ACTN4: variants seen among roughly 807,000 people sequenced by gnomAD.
The protein encoded by ACTN4 is actinin alpha 4, also known as alpha-actinin-4.
In ACTN4, 18 loss-of-function variants were observed where a neutral mutation model predicts 114.2. The observed-to-expected ratio is 0.16, with a 90% confidence interval of 0.11 to 0.23. The LOEUF is 0.23. ACTN4 is among the 10% of genes least tolerant of loss of function. The pLI is 1.00. For missense variants in ACTN4, 722 were observed against 1,262.9 expected, an observed-to-expected ratio of 0.57 and a Z score of 6.49; for synonymous variants, 515 against 506.3, an observed-to-expected ratio of 1.02 and a Z score of -0.23.
In ACTN4 at chr19:38,729,408, C is replaced by G; in HGVS notation, c.2712C>G (p.Ala904=). The G allele has an allele frequency of 6.2e-7, 1 of 1,612,880 alleles. No individual in the cohort carries two copies. Among genetic ancestry groups the G allele is most frequent in the South Asian group, 1.1e-5 (1 of 91,086 alleles). The change falls in exon 21 of 21, where the codon GCC becomes GCG. Residue 904 remains alanine (A), a synonymous_variant. Coordinates refer to ENST00000252699, the MANE Select transcript of ACTN4 (RefSeq NM_004924.6). Reference sequence around the variant, plus strand: ...TCGACTACAAGTCCTTCTCCACGGCCTTGTATGGCGAGAGCGACCTGTGAG... The same window carrying G: ...TCGACTACAAGTCCTTCTCCACGGCGTTGTATGGCGAGAGCGACCTGTGAG... ...GALDYKSFST[A]LYGESDL is the part of the protein sequence containing the mutation.
intron 1 of ACTN4, among the ~76,000 whole-genome samples, chr19:38,676,722 C>T (rs1328600135): frequency 6.6e-6 from 1 of 152,186 alleles, no homozygotes; most frequent in African/African-American, 2.4e-5. Flanking sequence ...GGTCCCACAG[C>T]TTCTCCTGAA....
At chr19:38,669,861 C>G (rs1307303019) in intron 1 of ACTN4, among the ~76,000 whole-genome samples, 1 of 152,126 alleles carries the variant, frequency 6.6e-6, no homozygotes, top group Non-Finnish European at 1.5e-5. Context: ...AAGCAAAAGA[C>G]TCCTTGGGTA....
At chr19:38,687,928 C>T (rs895487611) in intron 1 of ACTN4, among the ~76,000 whole-genome samples, 2 of 152,086 alleles carry the variant, frequency 1.3e-5, no homozygotes, top group Non-Finnish European at 2.9e-5. Context: ...AAAAGACACA[C>T]CAGTTAAAAA....
At chr19:38,725,365 A>C (rs909783194) in intron 16 of ACTN4, among the ~76,000 whole-genome samples, 93 of 152,000 alleles carry the variant, frequency 6.1e-4, no homozygotes, top group Non-Finnish European at 1.1e-3. Context: ...TCAGATCCCA[A>C]CTCTGCCTCT....
chr19:38,670,443 C>T (rs1967092794), intron 1 of ACTN4, among the ~76,000 whole-genome samples: 1 of 152,162 alleles, frequency 6.6e-6, no homozygotes, highest in African/African-American at 2.4e-5. Flanking sequence ...TGGTTCTCTT[C>T]TCCTGGGGCT....
At chr19:38,667,522 T>C (rs1460106233) in intron 1 of ACTN4, among the ~76,000 whole-genome samples, 1 of 152,182 alleles carries the variant, frequency 6.6e-6, no homozygotes, top group Admixed American at 6.5e-5. Context: ...ATGCTGCTGC[T>C]TTTTCAGAGA....
At chr19:38,728,202 C>T in intron 19 of ACTN4, 176 bp downstream of exon 19, 2 of 1,339,046 alleles carry the variant, frequency 1.5e-6, no homozygotes, top group Middle Eastern at 1.9e-4. Context: ...TCTCTTGGGG[C>T]CGCTGTCTCC....
Position 38,670,277 on chromosome 19 carries a change from G to A in ACTN4, c.162+22370G>A, listed in dbSNP as rs553303352. On this transcript the variant is annotated intron_variant, in intron 1 of 20. Coordinates refer to ENST00000252699, the MANE Select transcript of ACTN4 (RefSeq NM_004924.6). ...TGTGGGAGTGCAAGAGCATGGTGGG[G>A]TGGAGGTCACAGGAAGGTGGAAGCA... Among the ~76,000 whole-genome samples, 5 of 152,324 alleles carry A rather than the reference G, an allele frequency of 3.3e-5. No individual in the cohort carries two copies. In the East Asian group the frequency reaches 9.7e-4, roughly 29 times the overall value.
chr19:38,714,886 C>T (rs774408217), intron 9 of ACTN4, among the ~76,000 whole-genome samples: 13 of 152,342 alleles, frequency 8.5e-5, no homozygotes, highest in Non-Finnish European at 1.3e-4. Flanking sequence ...CCCCTCTTCC[C>T]GTGCCCTGGC....
chr19:38,654,308 T>C (rs540176237), intron 1 of ACTN4, among the ~76,000 whole-genome samples: 4 of 152,258 alleles, frequency 2.6e-5, no homozygotes, highest in African/African-American at 9.6e-5. Context: ...ACGCCTGTAA[T>C]CCCAGCACTT....
chr19:38,708,006 G>A, intron 5 of ACTN4, 111 bp from the exon 6 acceptor site: 1 of 1,138,304 alleles, frequency 8.8e-7, no homozygotes, highest in Non-Finnish European at 1.3e-6. Context: ...GCCTGGCACA[G>A]GCCAGACTGC....
At chr19:38,677,551 G>C (rs1338992511) in intron 1 of ACTN4, among the ~76,000 whole-genome samples, 2 of 151,956 alleles carry the variant, frequency 1.3e-5, no homozygotes, top group Non-Finnish European at 2.9e-5. Context: ...CTGAGGACAA[G>C]GGTATCATGA....
Position 38,730,911 on chromosome 19 carries a change from C to T in ACTN4, c.*1479C>T. ...AGAGAAGGAAGACAGTGGCTTGAGG[C>T]AGGGAGCTCGCAGGACAGAGCCTGA... On this transcript the variant is annotated 3_prime_UTR_variant, in exon 21 of 21. Transcript: ENST00000252699. The T allele has an allele frequency of 6.4e-7, 1 of 1,550,666 alleles. No individual in the cohort carries two copies. The highest frequency in any genetic ancestry group is 1.2e-5 in the South Asian group (1 of 84,070).
intron 8 of ACTN4, chr19:38,711,480 A>G: frequency 2.8e-6 from 1 of 361,630 alleles, no homozygotes; most frequent in Non-Finnish European, 3.9e-6. Context: ...CCGCCACACC[A>G]CACAGACTGA....
At chr19:38,656,674 T>G (rs1976720313) in intron 1 of ACTN4, among the ~76,000 whole-genome samples, 1 of 152,192 alleles carries the variant, frequency 6.6e-6, no homozygotes, top group Non-Finnish European at 1.5e-5. Context: ...GGTGTTGCAA[T>G]GATTGAATGG....
chr19:38,707,612 T>C (rs1968504338), intron 5 of ACTN4, among the ~76,000 whole-genome samples: 1 of 152,126 alleles, frequency 6.6e-6, no homozygotes, highest in Non-Finnish European at 1.5e-5. Flanking sequence ...ATCCTGGCAT[T>C]TAGCCAGCCC....
chr19:38,680,542 G>A (rs1399349551), intron 1 of ACTN4, among the ~76,000 whole-genome samples: 1 of 152,134 alleles, frequency 6.6e-6, no homozygotes, highest in Non-Finnish European at 1.5e-5. Context: ...TGACCTGTTT[G>A]CTGAACTTTA....
At chr19:38,677,778 G>T (rs540785004) in intron 1 of ACTN4, among the ~76,000 whole-genome samples, 1 of 152,272 alleles carries the variant, frequency 6.6e-6, no homozygotes, top group Non-Finnish European at 1.5e-5. Context: ...GTCTCGCTGT[G>T]TTGCCCAGGC....
chr19:38,729,526 GC>G lies in ACTN4; in HGVS notation c.*95del. 1 of 754,972 alleles carries G rather than the reference GC, an allele frequency of 1.3e-6. No homozygotes were observed. 46.8% of individuals were successfully genotyped at this position (754,972 alleles called of 1,614,324 possible). A position where few individuals can be genotyped will look rare whatever the true frequency, so the allele number is the denominator to read the frequency against. Reference sequence around the variant, plus strand: ...TTCCTCCACTCTGTATCTATGCAAAGCACTCTCTGCAGTCCTCCGGGGTGGG... The same window carrying G: ...TTCCTCCACTCTGTATCTATGCAAAGACTCTCTGCAGTCCTCCGGGGTGGG... On this transcript the variant is annotated 3_prime_UTR_variant, in exon 21 of 21. Coordinates refer to ENST00000252699, the MANE Select transcript of ACTN4 (RefSeq NM_004924.6).
Sources: allele counts gnomAD v4.1 joint callset (sites outside exome capture counted in the v4.1 genomes callset), GRCh38; gene constraint gnomAD v4.1.1; transcripts MANE v1.5; gene names NCBI Gene and HGNC (gene_info 2026-07-23, HGNC 2026-07-21).